RSBN1L: variants seen among roughly 807,000 people sequenced by gnomAD.
The protein encoded by RSBN1L is round spermatid basic protein 1 like.
RSBN1L carries 30 observed loss-of-function variants against 67.7 expected under a neutral mutation model. The ratio of observed to expected loss-of-function variants is 0.44; its 90% CI spans 0.33 to 0.60. The LOEUF (loss-of-function observed/expected upper bound fraction) is 0.60. RSBN1L is among the 20% of genes least tolerant of loss of function. The pLI, the probability that RSBN1L is intolerant of heterozygous loss-of-function variation, is 0.02. For missense variants in RSBN1L, 992 were observed against 1,031.7 expected, an observed-to-expected ratio of 0.96 and a Z score of 0.53; for synonymous variants, 433 against 387.0, an observed-to-expected ratio of 1.12 and a Z score of -1.39.
intron 1 of RSBN1L, among the ~76,000 whole-genome samples, chr7:77,705,793 C>T (rs551068864): frequency 5.9e-5 from 9 of 152,236 alleles, no homozygotes; most frequent in South Asian, 2.1e-4. Context: ...TGAGCCACCA[C>T]GCCTGGCCTG....
At chr7:77,755,624 G>A (rs1208798410) in intron 3 of RSBN1L, among the ~76,000 whole-genome samples, 3 of 152,050 alleles carry the variant, frequency 2.0e-5, no homozygotes, top group Non-Finnish European at 2.9e-5. Flanking sequence ...CCGAGATCGC[G>A]CCATTGCACT....
chr7:77,761,080 T>C (rs1041150697), intron 3 of RSBN1L, among the ~76,000 whole-genome samples: 17 of 152,260 alleles, frequency 1.1e-4, no homozygotes, highest in African/African-American at 3.4e-4. Flanking sequence ...GTTTTCCAGA[T>C]AGGCTATTTT....
At chr7:77,746,944 C>T (rs1012688708) in intron 2 of RSBN1L, among the ~76,000 whole-genome samples, 4 of 152,206 alleles carry the variant, frequency 2.6e-5, no homozygotes, top group Non-Finnish European at 5.9e-5. Context: ...CTTGGGTAGC[C>T]CCACCCCTGT....
intron 3 of RSBN1L, among the ~76,000 whole-genome samples, chr7:77,764,774 G>A (rs1442512657): frequency 1.3e-5 from 2 of 151,988 alleles, no homozygotes; most frequent in South Asian, 2.1e-4. Context: ...CTACAGGCGC[G>A]CGCCGGCCAC....
intron 1 of RSBN1L, among the ~76,000 whole-genome samples, chr7:77,720,763 CTTTT>C (rs34070122): frequency 3.8e-5 from 4 of 104,354 alleles, no homozygotes; most frequent in Non-Finnish European, 5.6e-5. Flanking sequence ...TTTTCTTTTT[CTTTT>C]TTTTTTTTTT....
At chr7:77,772,386 C>G (rs536390781) in intron 5 of RSBN1L, among the ~76,000 whole-genome samples, 2 of 152,188 alleles carry the variant, frequency 1.3e-5, no homozygotes, top group Non-Finnish European at 2.9e-5. Flanking sequence ...AATGATGACT[C>G]TCTGCCAAAG....
intron 1 of RSBN1L, among the ~76,000 whole-genome samples, chr7:77,733,772 G>GA (rs1417210189): frequency 6.6e-6 from 1 of 152,076 alleles, no homozygotes; most frequent in Non-Finnish European, 1.5e-5. Context: ...ATTTTATTCT[G>GA]AAAAATATTT....
At chr7:77,763,008 GAATGAACC>G (rs1791715166) in intron 3 of RSBN1L, among the ~76,000 whole-genome samples, 1 of 152,146 alleles carries the variant, frequency 6.6e-6, no homozygotes, top group African/African-American at 2.4e-5. Context: ...TGATGTCATA[GAATGAACC>G]AACTCAGTGG....
At chr7:77,697,093 T>C (rs3750128) in intron 1 of RSBN1L, 38 bp downstream of exon 1, 687,343 of 1,318,464 alleles carry the variant, frequency 0.52, 183,585 homozygotes, top group African/African-American at 0.82. Flanking sequence ...GAGGGCGCCG[T>C]GGGTCCCCGC....
intron 4 of RSBN1L, among the ~76,000 whole-genome samples, chr7:77,766,573 G>T (rs984473926): frequency 6.6e-6 from 1 of 151,690 alleles, no homozygotes. Flanking sequence ...CTTATTGTGA[G>T]GTGCTAGGGC....
chr7:77,770,170 T>A (rs1233164950), intron 5 of RSBN1L, among the ~76,000 whole-genome samples: 10 of 151,966 alleles, frequency 6.6e-5, no homozygotes, highest in Non-Finnish European at 1.3e-4. Flanking sequence ...GTCAGGAGTT[T>A]GAAGATCAGC....
At chr7:77,712,185 C>G (rs1790984065) in intron 1 of RSBN1L, among the ~76,000 whole-genome samples, 1 of 151,684 alleles carries the variant, frequency 6.6e-6, no homozygotes, top group South Asian at 2.1e-4. Context: ...TTAATGATTA[C>G]ATTTTCACTT....
At chr7:77,747,260 G>A (rs1791496460) in intron 2 of RSBN1L, among the ~76,000 whole-genome samples, 1 of 152,216 alleles carries the variant, frequency 6.6e-6, no homozygotes, top group Admixed American at 6.5e-5. Context: ...GCAGAAATTT[G>A]TGTAAATAAC....
chr7:77,723,386 T>A (rs898757263), intron 1 of RSBN1L, among the ~76,000 whole-genome samples: 1 of 152,200 alleles, frequency 6.6e-6, no homozygotes, highest in Admixed American at 6.5e-5. Flanking sequence ...AAAGTATAGC[T>A]TCTTTTTCTT....
At chr7:77,731,847 T>C (rs996189007) in intron 1 of RSBN1L, among the ~76,000 whole-genome samples, 4 of 148,288 alleles carry the variant, frequency 2.7e-5, no homozygotes, top group Non-Finnish European at 6.0e-5. Flanking sequence ...AGTTTAGACT[T>C]TTTTTTTTTT....
chr7:77,757,784 T>G (rs1453999521), intron 3 of RSBN1L, among the ~76,000 whole-genome samples: 1 of 152,170 alleles, frequency 6.6e-6, no homozygotes, highest in Non-Finnish European at 1.5e-5. Context: ...CAGGTTAGCC[T>G]GGGCTCATTT....
chr7:77,736,515 T>C lies in RSBN1L; in HGVS notation c.692T>C (p.Ile231Thr). The change falls in exon 2 of 8, where the codon ATT (isoleucine) becomes ACT (threonine). Residue 231 changes from isoleucine to threonine, a missense_variant. Around this residue, in one of 7 missense-constraint regions of RSBN1L, gnomAD observed 575 missense variants for 483.2 expected, o/e 1.19. Transcript: ENST00000334955. ...EIKKENGEVK[I>T]LLKSGKEKPK... is the part of the protein sequence containing the mutation. ...AAGAAAGAGAATGGAGAAGTAAAGA[T>C]TTTGCTGAAAAGTAAGTTTTATTCA... 7.6e-7 allele frequency: 1 copy of C among 1,313,406 alleles called. No homozygotes were observed. Among genetic ancestry groups the C allele is most frequent in the Non-Finnish European group, 1.0e-6 (1 of 967,548 alleles). 81.4% of individuals were successfully genotyped at this position (1,313,406 alleles called of 1,614,324 possible).
chr7:77,776,877 T>A (rs961352170), intron 6 of RSBN1L, among the ~76,000 whole-genome samples: 1 of 152,018 alleles, frequency 6.6e-6, no homozygotes, highest in Non-Finnish European at 1.5e-5. Flanking sequence ...TGTCTTTTAA[T>A]TGGAGTATTT....
intron 3 of RSBN1L, among the ~76,000 whole-genome samples, chr7:77,758,060 T>C (rs1039419284): frequency 1.3e-5 from 2 of 152,226 alleles, no homozygotes. Context: ...AAGAAATTCA[T>C]GATAATGCTA....
Sources: gnomAD v4.1 joint callset for allele counts (sites outside exome capture counted in the v4.1 genomes callset) on GRCh38, gnomAD v4.1.1 for gene constraint, gnomAD v4.1.1 regional missense constraint, MANE v1.5 for transcripts, NCBI Gene and HGNC (gene_info 2026-07-23, HGNC 2026-07-21) for gene names.